KLHL29: variants seen among roughly 807,000 people sequenced by gnomAD.
The protein encoded by KLHL29 is kelch-like protein 29.
A neutral mutation model predicts 80.4 loss-of-function variants in KLHL29; 21 were observed. The observed-to-expected ratio is 0.26, with a 90% confidence interval of 0.19 to 0.38. The LOEUF is 0.38. KLHL29 is among the 10% of genes least tolerant of loss of function. The pLI, the probability that KLHL29 is intolerant of heterozygous loss-of-function variation, is 1.00. For missense variants in KLHL29, 867 were observed against 1,223.9 expected (o/e 0.71, Z 4.35); for synonymous variants, 511 against 526.8 (o/e 0.97, Z 0.41).
chr2:23,493,539 A>G (rs1037233104), intron 2 of KLHL29, among the ~76,000 whole-genome samples: 3 of 152,200 alleles, frequency 2.0e-5, no homozygotes, highest in Non-Finnish European at 2.9e-5. Context: ...TATTTCTTCT[A>G]AAAACAGGTT....
intron 1 of KLHL29, among the ~76,000 whole-genome samples, chr2:23,433,214 C>T (rs1027869469): frequency 2.8e-4 from 41 of 148,596 alleles, no homozygotes; most frequent in African/African-American, 9.1e-4. Context: ...CCTGGGTCTC[C>T]ACCAGCAAAA....
intron 1 of KLHL29, among the ~76,000 whole-genome samples, chr2:23,470,887 A>T (rs1558350166): frequency 3.3e-5 from 5 of 152,192 alleles, no homozygotes; most frequent in African/African-American, 1.2e-4. Context: ...GAGAATGTTT[A>T]TTTTTGTGTT....
At chr2:23,430,712 C>A (rs11887598) in intron 1 of KLHL29, among the ~76,000 whole-genome samples, 76,799 of 151,744 alleles carry the variant, frequency 0.51, 20,704 homozygotes, top group African/African-American at 0.71. Flanking sequence ...TTCCTTGCTG[C>A]GCCCCTGATG....
chr2:23,590,166 C>T (rs1668219969), intron 3 of KLHL29, among the ~76,000 whole-genome samples: 1 of 152,268 alleles, frequency 6.6e-6, no homozygotes. Context: ...GCTGGGCTTC[C>T]TGGCCCCAAG....
intron 3 of KLHL29, among the ~76,000 whole-genome samples, chr2:23,584,799 C>T (rs1668076432): frequency 6.6e-6 from 1 of 152,142 alleles, no homozygotes; most frequent in Admixed American, 6.6e-5. Flanking sequence ...TGCAATAACA[C>T]GATTTCAGCT....
At chr2:23,652,856 T>C (rs1276738068) in intron 5 of KLHL29, among the ~76,000 whole-genome samples, 2 of 152,220 alleles carry the variant, frequency 1.3e-5, no homozygotes, top group East Asian at 1.9e-4. Flanking sequence ...CTCCTCCTTT[T>C]TATCAGGATC....
intron 3 of KLHL29, among the ~76,000 whole-genome samples, chr2:23,603,887 C>A (rs1668635554): frequency 6.6e-6 from 1 of 152,222 alleles, no homozygotes; most frequent in African/African-American, 2.4e-5. Flanking sequence ...ACTGGCCACC[C>A]AACATTGTCC....
chr2:23,405,482 T>C (rs1466019787), intron 1 of KLHL29, among the ~76,000 whole-genome samples: 14 of 152,262 alleles, frequency 9.2e-5, no homozygotes. Context: ...TTGGAAAATT[T>C]GCTGCATTAT....
chr2:23,472,259 T>G (rs753311125), intron 1 of KLHL29, among the ~76,000 whole-genome samples: 1 of 151,772 alleles, frequency 6.6e-6, no homozygotes, highest in Non-Finnish European at 1.5e-5. Flanking sequence ...GAGTTTCTGG[T>G]TGGGGTCGGC....
Position 23,696,230 on chromosome 2 carries a change from C to A in KLHL29, c.1924+97C>A. 1 of 1,489,862 alleles carries A rather than the reference C, an allele frequency of 6.7e-7. No individual in the cohort carries two copies. The highest frequency in any genetic ancestry group is 9.1e-7 in the Non-Finnish European group (1 of 1,100,596). The allele number at this position is 1,489,862 out of a possible 1,614,324, so 92.3% of individuals were successfully genotyped here. On this transcript the variant is annotated intron_variant, in intron 10 of 13. Coordinates refer to ENST00000486442, the MANE Select transcript of KLHL29 (RefSeq NM_052920.2). This position sits in a 1 kb window ranked among gnomAD's most constrained non-coding sequence, Gnocchi z 5.5. ...GAGGAAGGCCATGGCCCAGAAGTGT[C>A]TACTTTGCAGGTGAAGCCTTCCTCT...
intron 1 of KLHL29, among the ~76,000 whole-genome samples, chr2:23,404,755 C>G (rs2103391049): frequency 6.6e-6 from 1 of 152,332 alleles, no homozygotes; most frequent in Middle Eastern, 3.4e-3. Flanking sequence ...AGGAATCTGC[C>G]CTCTGTGTTT....
chr2:23,557,959 G>C lies in KLHL29; in HGVS notation c.-45-4193G>C, dbSNP rs150847025. 1.8e-3 allele frequency among the ~76,000 whole-genome samples: 275 copies of C among 152,244 alleles called. 1 individual carries two copies. Among genetic ancestry groups the C allele is most frequent in the African/African-American group, 6.5e-3 (270 of 41,530 alleles). On this transcript the variant is annotated intron_variant, in intron 2 of 13. Coordinates refer to ENST00000486442, the MANE Select transcript of KLHL29 (RefSeq NM_052920.2). ...GTATGCAACATCCAGTGTGCGTAGG[G>C]AAACGCTCTTCCATCAGATGGTGGC... is the stretch of plus-strand genomic sequence containing the variant.
intron 6 of KLHL29, among the ~76,000 whole-genome samples, chr2:23,685,034 T>C (rs143070736): frequency 2.0e-4 from 30 of 152,256 alleles, no homozygotes; most frequent in African/African-American, 7.2e-4. Flanking sequence ...GGGGCTGCTT[T>C]TCCCCAGCCC....
At chr2:23,597,489 T>C (rs1668458643) in intron 3 of KLHL29, among the ~76,000 whole-genome samples, 1 of 135,178 alleles carries the variant, frequency 7.4e-6, no homozygotes, top group South Asian at 2.7e-4. Context: ...AGTGGCACAA[T>C]CTTGGCTCAC....
rs986928546 is a variant in KLHL29 at position 23,700,865 on chromosome 2, C to T, written c.2106-2321C>T. Among the ~76,000 whole-genome samples, 11 of 152,260 alleles carry T rather than the reference C, an allele frequency of 7.2e-5. No individual in the cohort carries two copies. Among genetic ancestry groups the T allele is most frequent in the Admixed American group, 5.9e-4 (9 of 15,298 alleles). ...ACAGCCACTCACTCGCTGTTGGGACCTTGGCTGCCCTCTGAGGACGCCTCT... is the reference window on the plus strand; with the variant it reads ...ACAGCCACTCACTCGCTGTTGGGACTTTGGCTGCCCTCTGAGGACGCCTCT... On this transcript the variant is annotated intron_variant, in intron 11 of 13. Transcript: ENST00000486442. This position sits in a 1 kb window ranked among gnomAD's most constrained non-coding sequence, Gnocchi z 4.6.
intron 2 of KLHL29, among the ~76,000 whole-genome samples, chr2:23,513,138 C>A (rs377059682): frequency 6.6e-6 from 1 of 152,236 alleles, no homozygotes; most frequent in Non-Finnish European, 1.5e-5. Context: ...TGGGTTCATC[C>A]TTTTGCCTGC....
chr2:23,385,322 C>A lies in KLHL29; in HGVS notation c.-612C>A, dbSNP rs1238192018. On this transcript the variant is annotated 5_prime_UTR_variant, in exon 1 of 14. Transcript: ENST00000486442. ...CCGGCCCCGGCTCCGCAGCGCCCGTCCGCAGCCCCGGCGGTCGCCGCGCTT... is the reference window on the plus strand; with the variant it reads ...CCGGCCCCGGCTCCGCAGCGCCCGTACGCAGCCCCGGCGGTCGCCGCGCTT... 6.8e-6 allele frequency: 1 copy of A among 146,424 alleles called. No homozygotes were observed. The highest frequency in any genetic ancestry group is 2.5e-5 in the African/African-American group (1 of 40,614). 9.1% of individuals were successfully genotyped at this position (146,424 alleles called of 1,614,324 possible).
intron 3 of KLHL29, among the ~76,000 whole-genome samples, chr2:23,593,677 A>G (rs1423893000): frequency 6.6e-6 from 1 of 152,238 alleles, no homozygotes; most frequent in Non-Finnish European, 1.5e-5. Flanking sequence ...GCCTGCTCCC[A>G]TCTACTGTGC....
chr2:23,658,009 C>T (rs567818870), intron 5 of KLHL29, among the ~76,000 whole-genome samples: 3 of 152,218 alleles, frequency 2.0e-5, no homozygotes, highest in East Asian at 3.9e-4. Context: ...TGCGTCTCAG[C>T]CCCTCAAGCT....
Sources: allele counts gnomAD v4.1 joint callset (sites outside exome capture counted in the v4.1 genomes callset), GRCh38; gene constraint gnomAD v4.1.1; non-coding constraint Gnocchi (gnomAD v3.1); transcripts MANE v1.5; gene names NCBI Gene and HGNC (gene_info 2026-07-23, HGNC 2026-07-21).